ACBD6: variants seen among roughly 807,000 people sequenced by gnomAD.
ACBD6 encodes the protein acyl-CoA-binding domain-containing protein 6.
In ACBD6, 28 loss-of-function variants were observed where a neutral mutation model predicts 37.2. That is an observed-to-expected ratio of 0.75 (90% confidence interval 0.56 to 1.03). ACBD6 has a LOEUF of 1.03. Among genes scored for constraint, ACBD6 ranks in the 50% least tolerant of loss-of-function variants. The pLI is 0.00. For missense variants in ACBD6, 340 were observed against 337.4 expected, an observed-to-expected ratio of 1.01 and a Z score of -0.06; for synonymous variants, 113 against 126.8, an observed-to-expected ratio of 0.89 and a Z score of 0.73.
chr1:180,370,400 C>A (rs986047955), intron 6 of ACBD6, among the ~76,000 whole-genome samples: 6 of 152,096 alleles, frequency 3.9e-5, no homozygotes, highest in African/African-American at 1.4e-4. Context: ...AAGGAACAAT[C>A]ATTTTGCATA....
chr1:180,271,582 C>A (rs1347529689), exon 14 of ACBD6: 2 of 1,607,044 alleles, frequency 1.2e-6, no homozygotes, highest in South Asian at 1.1e-5. Context: ...AGGCCCGGGA[C>A]AGGGGTGGAA....
At position 180,482,735 on chromosome 1, in the gene ACBD6, C is replaced by T. The variant is rs956275218; in HGVS notation, c.384+9534G>A. On this transcript the variant is annotated intron_variant, in intron 3 of 7. Coordinates refer to ENST00000367595, the MANE Select transcript of ACBD6 (RefSeq NM_032360.4). The stretch of plus-strand genomic sequence containing the variant: ...AACCTTCATCTATATATCAGACAAA[C>T]GTTCAATTTTCAAAGAAAACTTTTT... Among the ~76,000 whole-genome samples the T allele has an allele frequency of 3.3e-5, 5 of 152,054 alleles. No homozygotes were observed. In the East Asian group the frequency reaches 5.8e-4, roughly 18 times the overall value.
In ACBD6 at chr1:180,479,943, C is replaced by T. The variant is rs529193648; in HGVS notation, c.384+12326G>A. On this transcript the variant is annotated intron_variant, in intron 3 of 7. Transcript: ENST00000367595. ...GGCAGAGGGTTCAGTGAGCAGAGAT[C>T]GCACCACTGCACTCCAGCCTGGGTG... is the stretch of plus-strand genomic sequence containing the variant. Among the ~76,000 whole-genome samples, 16 of 151,968 alleles carry T rather than the reference C, an allele frequency of 1.1e-4. No individual in the cohort carries two copies. In the East Asian group the frequency reaches 2.9e-3, roughly 28 times the overall value.
At chr1:180,495,603 G>T in intron 1 of ACBD6, 78 bp from the exon 2 acceptor site, 2 of 1,092,190 alleles carry the variant, frequency 1.8e-6, no homozygotes, top group Non-Finnish European at 1.4e-6. Flanking sequence ...AATGTATTAT[G>T]TATATTCAGT....
intron 10 of ACBD6, chr1:180,274,607 C>T (rs75471724): frequency 6.5e-7 from 1 of 1,529,148 alleles, no homozygotes; most frequent in Non-Finnish European, 8.8e-7. Context: ...CCTACCTGCC[C>T]CCCTGGCTTG....
chr1:180,317,568 A>G (rs1242140655), intron 6 of ACBD6, among the ~76,000 whole-genome samples: 2 of 152,262 alleles, frequency 1.3e-5, no homozygotes, highest in Non-Finnish European at 2.9e-5. Flanking sequence ...CAAAAACTGC[A>G]AGTGGCAATG....
chr1:180,472,848 C>G (rs1650622297), intron 3 of ACBD6, among the ~76,000 whole-genome samples: 1 of 152,058 alleles, frequency 6.6e-6, no homozygotes, highest in South Asian at 2.1e-4. Context: ...TGAAGAGGTT[C>G]AATAAATCTT....
At chr1:180,469,678 T>C (rs367679243) in intron 3 of ACBD6, among the ~76,000 whole-genome samples, 6 of 152,184 alleles carry the variant, frequency 3.9e-5, no homozygotes, top group African/African-American at 1.4e-4. Flanking sequence ...TTAAGGGAAA[T>C]GTATTAATGT....
downstream of ACBD6, among the ~76,000 whole-genome samples, chr1:180,286,685 C>T (rs1649511141): frequency 6.6e-6 from 1 of 152,150 alleles, no homozygotes; most frequent in African/African-American, 2.4e-5. Flanking sequence ...TCAGTATGTA[C>T]TAATATGCAT....
chr1:180,314,889 A>G (rs1310798129), intron 6 of ACBD6, among the ~76,000 whole-genome samples, 167 bp from the exon 7 acceptor site: 2 of 152,224 alleles, frequency 1.3e-5, no homozygotes, highest in Non-Finnish European at 2.9e-5. Context: ...GACCAAGCTC[A>G]CCATCCTGAA....
At chr1:180,354,029 T>A (rs1406692552) in intron 6 of ACBD6, among the ~76,000 whole-genome samples, 1 of 152,170 alleles carries the variant, frequency 6.6e-6, no homozygotes, top group Admixed American at 6.5e-5. Flanking sequence ...AGGAGCAGGA[T>A]AAATGGGCCA....
chr1:180,469,889 G>A (rs1372912600), intron 3 of ACBD6, among the ~76,000 whole-genome samples: 1 of 152,002 alleles, frequency 6.6e-6, no homozygotes, highest in Non-Finnish European at 1.5e-5. Context: ...GCACTCTACA[G>A]TTTACAAATT....
At chr1:180,412,351 T>A (rs1647896671) in intron 5 of ACBD6, among the ~76,000 whole-genome samples, 1 of 152,164 alleles carries the variant, frequency 6.6e-6, no homozygotes. Flanking sequence ...CTGAATTACA[T>A]ATAAGTTGAT....
chr1:180,272,088 T>C (rs1648706918), intron 13 of ACBD6: 2 of 1,317,360 alleles, frequency 1.5e-6, no homozygotes, highest in South Asian at 2.9e-5. Context: ...AGGAGGGATC[T>C]TTCTTGAGGC....
At chr1:180,273,965 G>T in exon 11 of ACBD6, 1 of 587,610 alleles carries the variant, frequency 1.7e-6, no homozygotes, top group Non-Finnish European at 3.0e-6. Context: ...TCTGGGACCT[G>T]GGAATTTAGT....
At chr1:180,272,765 C>G (rs149422232) in intron 12 of ACBD6, 1 of 152,214 alleles carries the variant, frequency 6.6e-6, no homozygotes, top group Non-Finnish European at 1.5e-5. Context: ...TCTGTCAAAT[C>G]GATTCACTTC....
At position 180,485,110 on chromosome 1, in the gene ACBD6, A is replaced by G. The variant is rs189850001; in HGVS notation, c.384+7159T>C. 8.2e-3 allele frequency among the ~76,000 whole-genome samples: 1,250 copies of G among 152,058 alleles called. 22 individuals carry two copies. Among genetic ancestry groups the G allele is most frequent in the African/African-American group, 0.028 (1,155 of 41,470 alleles). ...AAAAAGTGTGTGTATCTATAGATAC[A>G]TACATTTGAGGGTATGTAATTTTAG... On this transcript the variant is annotated intron_variant, in intron 3 of 7. Coordinates refer to ENST00000367595, the MANE Select transcript of ACBD6 (RefSeq NM_032360.4).
intron 3 of ACBD6, among the ~76,000 whole-genome samples, chr1:180,447,236 T>C (rs1468587530): frequency 6.6e-6 from 1 of 152,198 alleles, no homozygotes; most frequent in Non-Finnish European, 1.5e-5. Flanking sequence ...CTACATACAC[T>C]AGCTAACACA....
At chr1:180,431,236 T>C in intron 3 of ACBD6, among the ~76,000 whole-genome samples, 1 of 152,092 alleles carries the variant, frequency 6.6e-6, no homozygotes, top group East Asian at 1.9e-4. Flanking sequence ...AGATAGCATA[T>C]TCTATCTGTT....
Sources: allele counts gnomAD v4.1 joint callset (sites outside exome capture counted in the v4.1 genomes callset), GRCh38; gene constraint gnomAD v4.1.1; transcripts MANE v1.5; gene names NCBI Gene and HGNC (gene_info 2026-07-23, HGNC 2026-07-21).